The following CBLB variants were observed in gnomAD, a reference collection of about 807,000 sequenced individuals.
CBLB encodes Cbl proto-oncogene B, also known as E3 ubiquitin-protein ligase CBL-B.
In CBLB, 31 loss-of-function variants were observed where a neutral mutation model predicts 104.9. That is an observed-to-expected ratio of 0.30 (90% CI 0.22 to 0.40). The LOEUF (loss-of-function observed/expected upper bound fraction) is 0.40. Among genes scored for constraint, CBLB ranks in the 10% least tolerant of loss-of-function variants. CBLB has a pLI of 1.00. For synonymous variants in CBLB, 440 were observed against 422.6 expected (o/e 1.04, Z -0.51); for missense variants, 1,062 against 1,214.6 (o/e 0.87, Z 1.87).
At chr3:105,765,933 T>C (rs2078171942) in intron 4 of CBLB, among the ~76,000 whole-genome samples, 1 of 152,170 alleles carries the variant, frequency 6.6e-6, no homozygotes, top group African/African-American at 2.4e-5. Flanking sequence ...GCTATAGCTG[T>C]CATATATTGT....
rs191342374 is a variant in CBLB, at chr3:105,786,136, C to T, written c.420-9594G>A. Among the ~76,000 whole-genome samples the T allele has an allele frequency of 2.9e-3, 431 of 150,432 alleles. 1 individual carries two copies. The highest frequency in any genetic ancestry group is 3.3e-3 in the Non-Finnish European group (226 of 67,728). ...TAATCGATACTATGCTCAGTACAAT[C>T]TTAGTTCTATTAAATTAAAAGGCTA... On this transcript the variant is annotated intron_variant, in intron 3 of 18. Transcript: ENST00000394030.
intron 4 of CBLB, 70 bp downstream of exon 4, chr3:105,776,326 T>A (rs2079452090): frequency 7.5e-7 from 1 of 1,342,148 alleles, no homozygotes; most frequent in East Asian, 2.4e-5. Flanking sequence ...ATATACCATA[T>A]CCAACTGGAG....
chr3:105,658,785 G>A lies in CBLB; in HGVS notation c.*185C>T. ...AAATATGGCTAGCAAAAACAAGGAA[G>A]CCACAGCTGTCGACATCCTGAGCAA... On this transcript the variant is annotated 3_prime_UTR_variant, in exon 19 of 19. Transcript: ENST00000394030. 1.6e-6 allele frequency: 1 copy of A among 627,090 alleles called. No individual in the cohort carries two copies. Among genetic ancestry groups the A allele is most frequent in the Non-Finnish European group, 2.8e-6 (1 of 361,008 alleles). The allele number at this position is 627,090 out of a possible 1,614,324, so 38.8% of individuals were successfully genotyped here.
At chr3:105,786,166 TACC>T (rs1186161570) in intron 3 of CBLB, among the ~76,000 whole-genome samples, 2 of 151,592 alleles carry the variant, frequency 1.3e-5, no homozygotes, top group Non-Finnish European at 2.9e-5. Flanking sequence ...AGGCTATAAA[TACC>T]ACATTATAGA....
intron 5 of CBLB, among the ~76,000 whole-genome samples, chr3:105,748,744 A>T (rs2076337381): frequency 6.6e-6 from 1 of 152,232 alleles, no homozygotes; most frequent in African/African-American, 2.4e-5. Flanking sequence ...CTGCCTGCAT[A>T]TAAGAATGAA....
rs565387814 is a variant in CBLB at position 105,725,552 on chromosome 3, G to T, written c.1204-5302C>A. Among the ~76,000 whole-genome samples the T allele has an allele frequency of 2.6e-5, 4 of 152,230 alleles. No individual in the cohort carries two copies. The South Asian group carries it at 8.3e-4, about 32-fold the overall frequency. ...AGATTTTATTTTCTCATATCCATCA[G>T]TTCCTTTCCTTTTCTAGTGCATCGC... On this transcript the variant is annotated intron_variant, in intron 9 of 18. Coordinates refer to ENST00000394030, the MANE Select transcript of CBLB (RefSeq NM_170662.5).
upstream of CBLB, chr3:105,869,443 C>T (rs948788933): frequency 2.3e-6 from 3 of 1,308,422 alleles, no homozygotes; most frequent in South Asian, 1.3e-5. Context: ...TCTTTTGTTT[C>T]ATAGCAACAG....
chr3:105,676,631 T>G (rs2065675354), intron 17 of CBLB, among the ~76,000 whole-genome samples: 1 of 152,170 alleles, frequency 6.6e-6, no homozygotes, highest in Non-Finnish European at 1.5e-5. Context: ...AAGACAAAGT[T>G]TTGAATAAGT....
intron 9 of CBLB, among the ~76,000 whole-genome samples, chr3:105,724,826 T>C (rs969714772): frequency 6.6e-6 from 1 of 152,154 alleles, no homozygotes; most frequent in African/African-American, 2.4e-5. Context: ...TAAATATTAA[T>C]TCATTTAATC....
chr3:105,868,498 G>C (rs1401024599), intron 1 of CBLB: 2 of 337,694 alleles, frequency 5.9e-6, no homozygotes, highest in Non-Finnish European at 1.0e-5. Context: ...CGCCTGGGTG[G>C]ACGCGCCTCC....
chr3:105,824,369 C>T (rs895245339), intron 3 of CBLB: 3 of 152,180 alleles, frequency 2.0e-5, no homozygotes, highest in Non-Finnish European at 4.4e-5. Flanking sequence ...AACACCTTCA[C>T]CGCTTATGCT....
At chr3:105,752,146 AC>A (rs1357397465) in intron 4 of CBLB, among the ~76,000 whole-genome samples, 2 of 152,254 alleles carry the variant, frequency 1.3e-5, no homozygotes, top group Non-Finnish European at 2.9e-5. Context: ...TGAAAAACAT[AC>A]GTTATCTAAC....
intron 3 of CBLB, among the ~76,000 whole-genome samples, chr3:105,805,951 G>GA (rs2083445428): frequency 6.8e-6 from 1 of 146,766 alleles, no homozygotes; most frequent in African/African-American, 2.5e-5. Context: ...AAAAAAAACA[G>GA]AAAAAAATTA....
intron 3 of CBLB, among the ~76,000 whole-genome samples, chr3:105,817,387 A>G (rs1027012456): frequency 2.0e-5 from 3 of 152,130 alleles, no homozygotes; most frequent in Non-Finnish European, 4.4e-5. Context: ...GACTAACTGA[A>G]GATGGTAAAT....
intron 13 of CBLB, among the ~76,000 whole-genome samples, chr3:105,690,361 AGACTCTT>A (rs1253763561): frequency 1.3e-5 from 2 of 152,208 alleles, no homozygotes; most frequent in African/African-American, 4.8e-5. Context: ...TCCACAGCCA[AGACTCTT>A]GACTCACTGT....
At chr3:105,685,251 T>C in intron 14 of CBLB, 69 bp downstream of exon 14, 1 of 1,366,004 alleles carries the variant, frequency 7.3e-7, no homozygotes, top group South Asian at 1.2e-5. Flanking sequence ...ATCAATTGTT[T>C]AAAAACAAAC....
At chr3:105,746,762 A>C (rs1028045255) in intron 5 of CBLB, among the ~76,000 whole-genome samples, 1 of 152,240 alleles carries the variant, frequency 6.6e-6, no homozygotes, top group African/African-American at 2.4e-5. Context: ...AACTTGCATG[A>C]CTTGGCAAAG....
intron 12 of CBLB, among the ~76,000 whole-genome samples, chr3:105,701,816 A>C (rs993729006): frequency 6.6e-6 from 1 of 152,166 alleles, no homozygotes; most frequent in Non-Finnish European, 1.5e-5. Flanking sequence ...TGTTAATAGA[A>C]GAAATTTTTG....
chr3:105,829,078 A>G (rs1393710522), intron 3 of CBLB, among the ~76,000 whole-genome samples: 1 of 151,870 alleles, frequency 6.6e-6, no homozygotes, highest in Non-Finnish European at 1.5e-5. Context: ...ATTAACAATC[A>G]ATTTTGTTTT....
Sources: gnomAD v4.1 joint callset for allele counts (sites outside exome capture counted in the v4.1 genomes callset) on GRCh38, gnomAD v4.1.1 for gene constraint, MANE v1.5 for transcripts, NCBI Gene and HGNC (gene_info 2026-07-23, HGNC 2026-07-21) for gene names.